ULK4: variants seen among roughly 807,000 people sequenced by gnomAD.
ULK4 encodes the protein unc-51 like kinase 4.
In ULK4, 133 loss-of-function variants were observed where a neutral mutation model predicts 160.6. The ratio of observed to expected loss-of-function variants is 0.83; its 90% CI spans 0.72 to 0.96. ULK4 has a LOEUF of 0.96. ULK4 is among the 40% of genes least tolerant of loss of function. The pLI, the probability that ULK4 is intolerant of heterozygous loss-of-function variation, is 0.00. For synonymous variants in ULK4, 534 were observed against 539.8 expected, an observed-to-expected ratio of 0.99 and a Z score of 0.15; for missense variants, 1,580 against 1,499.5, an observed-to-expected ratio of 1.05 and a Z score of -0.89.
intron 32 of ULK4, among the ~76,000 whole-genome samples, chr3:41,564,352 A>C (rs2087710678): frequency 6.7e-6 from 1 of 150,096 alleles, no homozygotes; most frequent in African/African-American, 2.5e-5. Context: ...GACCCACTTG[A>C]GGAGGTAGTC....
chr3:41,337,596 T>C (rs2080590044), intron 35 of ULK4, among the ~76,000 whole-genome samples: 1 of 152,130 alleles, frequency 6.6e-6, no homozygotes. Context: ...CACATATATA[T>C]AGAATTCTAA....
intron 27 of ULK4, among the ~76,000 whole-genome samples, chr3:41,698,583 T>G (rs949753045): frequency 6.6e-6 from 1 of 152,194 alleles, no homozygotes; most frequent in Non-Finnish European, 1.5e-5. Context: ...CTGAAGCACT[T>G]CTGGTCCCAA....
chr3:41,384,549 G>A (rs747144827), intron 35 of ULK4, among the ~76,000 whole-genome samples: 1 of 152,108 alleles, frequency 6.6e-6, no homozygotes, highest in Admixed American at 6.6e-5. Flanking sequence ...AGATGAGATC[G>A]GGTGCGTTCA....
chr3:41,491,256 AAAAT>A (rs1575301139), intron 32 of ULK4, among the ~76,000 whole-genome samples: 1 of 152,340 alleles, frequency 6.6e-6, no homozygotes, highest in East Asian at 1.9e-4. Flanking sequence ...TAATTGCCAT[AAAAT>A]AAATAGTCAA....
chr3:41,620,852 T>C (rs2033209865), intron 30 of ULK4, among the ~76,000 whole-genome samples: 1 of 152,172 alleles, frequency 6.6e-6, no homozygotes, highest in Admixed American at 6.5e-5. Context: ...GACATTTTTA[T>C]ATATTTAGAA....
At chr3:41,353,189 C>A (rs1390933449) in intron 35 of ULK4, among the ~76,000 whole-genome samples, 8 of 152,142 alleles carry the variant, frequency 5.3e-5, no homozygotes, top group Non-Finnish European at 8.8e-5. Flanking sequence ...CATCTTAGAA[C>A]CCTCTCTGGA....
chr3:41,703,217 G>A (rs1054981942), intron 27 of ULK4, among the ~76,000 whole-genome samples: 2 of 130,494 alleles, frequency 1.5e-5, no homozygotes, highest in African/African-American at 2.9e-5. Context: ...AACACTGCAC[G>A]GAACAGCTGC....
chr3:41,774,078 G>A (rs1161082466), intron 21 of ULK4, among the ~76,000 whole-genome samples: 1 of 152,044 alleles, frequency 6.6e-6, no homozygotes, highest in East Asian at 1.9e-4. Context: ...AATTCAAGAT[G>A]GATTAAAGAC....
chr3:41,322,942 A>ATT lies in ULK4; in HGVS notation c.3679-73370_3679-73369dup, dbSNP rs879751639. ...TATAATAGCCGTGTGTGTGTGTACCATTTTTTTTTTTTGAGACGGAGTTTT... is the reference window on the plus strand; with the variant it reads ...TATAATAGCCGTGTGTGTGTGTACCATTTTTTTTTTTTTTGAGACGGAGTTTT... On this transcript the variant is annotated intron_variant, in intron 35 of 36. Coordinates refer to ENST00000301831, the MANE Select transcript of ULK4 (RefSeq NM_017886.4). 4.3e-3 allele frequency among the ~76,000 whole-genome samples: 628 copies of ATT among 145,006 alleles called. 3 individuals carry two copies. The highest frequency in any genetic ancestry group is 0.015 in the African/African-American group (601 of 39,700).
intron 35 of ULK4, among the ~76,000 whole-genome samples, chr3:41,253,922 T>C (rs914535022): frequency 6.6e-6 from 1 of 152,206 alleles, no homozygotes; most frequent in Non-Finnish European, 1.5e-5. Context: ...ATATTTTGAT[T>C]AAAGGGTTTT....
intron 21 of ULK4, among the ~76,000 whole-genome samples, chr3:41,784,902 ACT>A (rs1255652466): frequency 6.6e-6 from 1 of 152,256 alleles, no homozygotes; most frequent in African/African-American, 2.4e-5. Context: ...TTAATTACAA[ACT>A]ACAAATAACT....
intron 35 of ULK4, among the ~76,000 whole-genome samples, chr3:41,361,356 A>C (rs952228051): frequency 1.3e-5 from 2 of 152,228 alleles, no homozygotes; most frequent in African/African-American, 4.8e-5. Flanking sequence ...ATTTGATAAG[A>C]TAAAACCCAG....
chr3:41,702,049 C>T (rs1465819940), intron 27 of ULK4, among the ~76,000 whole-genome samples: 1 of 151,894 alleles, frequency 6.6e-6, no homozygotes, highest in African/African-American at 2.4e-5. Flanking sequence ...GAATGAAATC[C>T]AAACAGACCA....
chr3:41,280,975 TCAC>T (rs1159134047), intron 35 of ULK4, among the ~76,000 whole-genome samples: 1 of 152,012 alleles, frequency 6.6e-6, no homozygotes, highest in Non-Finnish European at 1.5e-5. Flanking sequence ...AAAGGGGATA[TCAC>T]CACCTATCCC....
intron 31 of ULK4, among the ~76,000 whole-genome samples, chr3:41,576,623 G>C (rs2088198141): frequency 6.6e-6 from 1 of 152,158 alleles, no homozygotes; most frequent in Non-Finnish European, 1.5e-5. Flanking sequence ...CATTTATTGA[G>C]CACCTAAAAT....
At chr3:41,469,602 C>CAAAAAAAA (rs71616008) in intron 32 of ULK4, among the ~76,000 whole-genome samples, 9 of 11,312 alleles carry the variant, frequency 8.0e-4, no homozygotes, top group African/African-American at 2.9e-3. Flanking sequence ...CTACACCTGC[C>CAAAAAAAA]AAAAAAAAAA....
chr3:41,454,315 G>A (rs866565383), intron 34 of ULK4, among the ~76,000 whole-genome samples: 15 of 150,728 alleles, frequency 1.0e-4, no homozygotes, highest in South Asian at 2.1e-4. Flanking sequence ...CAAGGCAGGC[G>A]GATCACTTGA....
At chr3:41,494,331 C>T (rs1230349274) in intron 32 of ULK4, among the ~76,000 whole-genome samples, 1 of 124,010 alleles carries the variant, frequency 8.1e-6, no homozygotes, top group Non-Finnish European at 1.7e-5. Flanking sequence ...ACAAAAACCA[C>T]ATGATTATCT....
intron 30 of ULK4, 54 bp from the exon 31 acceptor site, chr3:41,615,771 C>T: frequency 1.3e-6 from 2 of 1,516,906 alleles, no homozygotes; most frequent in Non-Finnish European, 1.8e-6. Flanking sequence ...CATATTTGCA[C>T]TGATGGCCTG....
Sources: allele counts gnomAD v4.1 joint callset (sites outside exome capture counted in the v4.1 genomes callset), GRCh38; gene constraint gnomAD v4.1.1; transcripts MANE v1.5; gene names NCBI Gene and HGNC (gene_info 2026-07-23, HGNC 2026-07-21).